The following CDON variants were observed in gnomAD, a reference collection of about 807,000 sequenced individuals.
The protein encoded by CDON is cell adhesion associated, oncogene regulated, also known as cell adhesion molecule-related/down-regulated by oncogenes.
In CDON, 73 loss-of-function variants were observed where a neutral mutation model predicts 120.9. That is an observed-to-expected ratio of 0.60 (90% CI 0.50 to 0.73). The LOEUF (loss-of-function observed/expected upper bound fraction) is 0.73. CDON is among the 30% of genes least tolerant of loss of function. The probability of loss-of-function intolerance (pLI) is 0.00; values close to 1 mark genes in which losing one functional copy is unlikely to be tolerated. For missense variants in CDON, 1,470 were observed against 1,587.3 expected (o/e 0.93, Z 1.26); for synonymous variants, 566 against 573.5 (o/e 0.99, Z 0.19).
At chr11:125,961,195 A>G in intron 19 of CDON, 90 bp from the exon 20 acceptor site, 1 of 1,202,022 alleles carries the variant, frequency 8.3e-7, no homozygotes, top group East Asian at 2.5e-5. Flanking sequence ...CTTTGAGCCA[A>G]GAAGAAAGAA....
chr11:125,983,758 G>A, intron 16 of CDON, 114 bp downstream of exon 16: 2 of 796,376 alleles, frequency 2.5e-6, no homozygotes, highest in South Asian at 3.0e-5. Flanking sequence ...AGTATCTAAT[G>A]TGTTTCATAC....
chr11:125,978,369 G>A lies in CDON; in HGVS notation c.3291C>T (p.Tyr1097=). Reference sequence around the variant, plus strand: ...GAGGGTCAATCTGAGGCACGGCCGTGTACATTCCACCACCCTGGACAGGAA... The same window carrying A: ...GAGGGTCAATCTGAGGCACGGCCGTATACATTCCACCACCCTGGACAGGAA... ...PHHLVNGGGM[Y]TAVPQIDPLE... Residue 1097 remains tyrosine, a synonymous_variant, in exon 18 of 20, where the codon TAC becomes TAT. Coordinates refer to ENST00000531738, the MANE Select transcript of CDON (RefSeq NM_001378964.1). The A allele has an allele frequency of 6.2e-7, 1 of 1,605,386 alleles. No individual in the cohort carries two copies.
In CDON at chr11:125,981,273, C is replaced by T; in HGVS notation, c.3052G>A (p.Asp1018Asn). Residue 1018 changes from aspartate (D) to asparagine (N), a missense_variant, in exon 17 of 20, where the codon GAC (aspartate) becomes AAC (asparagine). By Grantham distance (23) the Asp-to-Asn change is conservative. Coordinates refer to ENST00000531738, the MANE Select transcript of CDON (RefSeq NM_001378964.1). Reference sequence around the variant, plus strand: ...CTTGCTCCTGAGAGAGTGGTGTAGTCCACCATCTGCCCGTTCATATCTGAT... The same window carrying T: ...CTTGCTCCTGAGAGAGTGGTGTAGTTCACCATCTGCCCGTTCATATCTGAT... ...QGSDMNGQMV[D>N]YTTLSGASQI... The T allele has an allele frequency of 1.2e-6, 2 of 1,613,968 alleles. No individual in the cohort carries two copies. Among genetic ancestry groups the T allele is most frequent in the Non-Finnish European group, 1.7e-6 (2 of 1,179,884 alleles).
At chr11:126,011,604 G>A (rs914954361) in intron 7 of CDON, among the ~76,000 whole-genome samples, 24 of 152,084 alleles carry the variant, frequency 1.6e-4, no homozygotes, top group Non-Finnish European at 3.4e-4. Flanking sequence ...GGAGTTCTCT[G>A]TATATACTAG....
intron 1 of CDON, among the ~76,000 whole-genome samples, chr11:126,038,041 A>C (rs1470257686): frequency 6.6e-6 from 1 of 152,228 alleles, no homozygotes; most frequent in South Asian, 2.1e-4. Context: ...CTAAACATTT[A>C]AGTTCATCAC....
At chr11:125,983,291 A>C (rs1946367650) in intron 16 of CDON, among the ~76,000 whole-genome samples, 1 of 152,174 alleles carries the variant, frequency 6.6e-6, no homozygotes, top group South Asian at 2.1e-4. Context: ...GTTCTAGGTT[A>C]CTTCACTGTT....
rs760177298 is a variant in CDON at position 125,961,807 on chromosome 11, A to C, written c.3548T>G (p.Val1183Gly). Residue 1183 changes from valine to glycine, a missense_variant, in exon 19 of 20, where the codon GTC (valine) becomes GGC (glycine). By Grantham distance (109) the Val-to-Gly change is moderately radical (BLOSUM62 -3). Transcript: ENST00000531738. ...EESVKDNVEP[V>G]PTQRTCCQDI... ...CTGACAGCAGGTACGCTGAGTAGGGACTGGTTCCACATTGTCCTTGACGCT... is the reference window on the plus strand; with the variant it reads ...CTGACAGCAGGTACGCTGAGTAGGGCCTGGTTCCACATTGTCCTTGACGCT... 6.2e-7 allele frequency: 1 copy of C among 1,614,122 alleles called. No homozygotes were observed. Among genetic ancestry groups the C allele is most frequent in the Non-Finnish European group, 8.5e-7 (1 of 1,180,010 alleles).
At chr11:126,002,086 C>A (rs1485291983) in intron 10 of CDON, among the ~76,000 whole-genome samples, 1 of 152,082 alleles carries the variant, frequency 6.6e-6, no homozygotes, top group Non-Finnish European at 1.5e-5. Context: ...TTTCTTCATT[C>A]TAACTTTACG....
chr11:125,985,393 T>C (rs1591567055), intron 15 of CDON, among the ~76,000 whole-genome samples: 1 of 152,186 alleles, frequency 6.6e-6, no homozygotes, highest in Non-Finnish European at 1.5e-5. Flanking sequence ...GCCAGGCTGG[T>C]CTCAAACTCC....
intron 2 of CDON, 21 bp from the exon 3 acceptor site, chr11:126,021,541 T>C: frequency 1.2e-6 from 2 of 1,610,602 alleles, no homozygotes; most frequent in Non-Finnish European, 1.7e-6. Context: ...ATATTCCCCA[T>C]ATGCAAAGAA....
chr11:126,029,005 C>T (rs1475196094), intron 1 of CDON, among the ~76,000 whole-genome samples: 2 of 151,994 alleles, frequency 1.3e-5, no homozygotes, highest in Admixed American at 1.3e-4. Flanking sequence ...ATTGTCAAGT[C>T]GTGTTCCAAA....
chr11:126,015,355 C>T lies in CDON; in HGVS notation c.1084G>A (p.Gly362Arg), dbSNP rs1339689361. 1.9e-6 allele frequency: 3 copies of T among 1,614,160 alleles called. No homozygotes were observed. Among genetic ancestry groups the T allele is most frequent in the Non-Finnish European group, 2.5e-6 (3 of 1,180,022 alleles). ...IHPSARHLTAGNGLKISGVTV... is the reference protein window; with the variant it reads ...IHPSARHLTARNGLKISGVTV... ...ACCCCACTGATTTTCAGTCCGTTTC[C>T]TGCAGTTAGATGTCGTGCAGAAGGA... is the stretch of plus-strand genomic sequence containing the variant. Residue 362 changes from glycine (G) to arginine (R), a missense_variant, in exon 7 of 20, where the codon GGA becomes AGA. By Grantham distance (125) the Gly-to-Arg change is moderately radical. Transcript: ENST00000531738.
chr11:125,963,311 C>G (rs568636958), intron 18 of CDON, among the ~76,000 whole-genome samples: 7 of 152,124 alleles, frequency 4.6e-5, no homozygotes, highest in Admixed American at 1.3e-4. Flanking sequence ...CTTTTTTTCC[C>G]CCCTATAATT....
At chr11:125,977,460 T>C (rs2134424137) in intron 18 of CDON, among the ~76,000 whole-genome samples, 1 of 152,218 alleles carries the variant, frequency 6.6e-6, no homozygotes, top group East Asian at 1.9e-4. Context: ...ATCATTTCAA[T>C]AATAAAATAT....
At chr11:125,981,398 A>ACACG (rs1356908540) in intron 16 of CDON, 69 bp from the exon 17 acceptor site, 57 of 1,489,214 alleles carry the variant, frequency 3.8e-5, no homozygotes, top group Non-Finnish European at 5.2e-5. Context: ...ACATACGCAC[A>ACACG]CACGCATGCA....
At chr11:126,021,874 C>T (rs116757320) in intron 2 of CDON, among the ~76,000 whole-genome samples, 1,695 of 152,016 alleles carry the variant, frequency 0.011, 38 homozygotes, top group African/African-American at 0.039. Flanking sequence ...GAGGCCAAGG[C>T]GGGTGAATCC....
rs375951997 is a variant in CDON, at chr11:126,004,064, C to T, written c.1864G>A (p.Val622Ile). The T allele has an allele frequency of 4.3e-6, 7 of 1,613,798 alleles. No individual in the cohort carries two copies. Among genetic ancestry groups the T allele is most frequent in the Non-Finnish European group, 5.9e-6 (7 of 1,179,990 alleles). Residue 622 changes from valine to isoleucine, a missense_variant, in exon 10 of 20, where the codon GTT (valine) becomes ATT (isoleucine). Coordinates refer to ENST00000531738, the MANE Select transcript of CDON (RefSeq NM_001378964.1). Reference sequence around the variant, plus strand: ...GTGTGCCAGCTTCCCAGCATGCCAACCCCATCATCCAGCTGCCCAAGAGAA... The same window carrying T: ...GTGTGCCAGCTTCCCAGCATGCCAATCCCATCATCCAGCTGCCCAAGAGAA... The part of the protein sequence containing the change: ...FVKYRKLDDG[V>I]GMLGSWHTVR...
At chr11:125,978,567 G>A (rs1356889263) in intron 17 of CDON, among the ~76,000 whole-genome samples, 184 bp from the exon 18 acceptor site, 2 of 152,182 alleles carry the variant, frequency 1.3e-5, no homozygotes, top group African/African-American at 4.8e-5. Context: ...ATTCACAAAG[G>A]AGTGAATGAG....
chr11:125,974,178 G>C (rs889799449), intron 18 of CDON, among the ~76,000 whole-genome samples: 13 of 152,050 alleles, frequency 8.5e-5, no homozygotes, highest in African/African-American at 3.1e-4. Flanking sequence ...TTACAGGCGT[G>C]AGCCACTGCA....
Sources: gnomAD v4.1 joint callset for allele counts (sites outside exome capture counted in the v4.1 genomes callset) on GRCh38, gnomAD v4.1.1 for gene constraint, MANE v1.5 for transcripts, NCBI Gene and HGNC (gene_info 2026-07-23, HGNC 2026-07-21) for gene names.